The following SLC38A1 variants were observed in gnomAD, a reference collection of about 807,000 sequenced individuals.
The protein encoded by SLC38A1 is sodium-coupled neutral amino acid symporter 1.
In SLC38A1, 18 loss-of-function variants were observed where a neutral mutation model predicts 60.3. The observed-to-expected ratio is 0.30, with a 90% CI of 0.21 to 0.44. The LOEUF (loss-of-function observed/expected upper bound fraction) is 0.44, where lower values mean the gene tolerates loss of function less well. Among genes scored for constraint, SLC38A1 ranks in the 20% least tolerant of loss-of-function variants. The pLI, the probability that SLC38A1 is intolerant of heterozygous loss-of-function variation, is 1.00. For synonymous variants in SLC38A1, 196 were observed against 212.1 expected (o/e 0.92, Z 0.66); for missense variants, 448 against 587.2 (o/e 0.76, Z 2.45).
chr12:46,214,436 T>C (rs894084823), intron 5 of SLC38A1, among the ~76,000 whole-genome samples: 7 of 152,344 alleles, frequency 4.6e-5, no homozygotes, highest in African/African-American at 1.4e-4. Flanking sequence ...ATTGTAATTA[T>C]TTGGTCTTCC....
chr12:46,196,425 C>CCAGG, intron 16 of SLC38A1: 1 of 1,119,516 alleles, frequency 8.9e-7, no homozygotes, highest in Non-Finnish European at 1.2e-6. Context: ...CATTATGGGA[C>CCAGG]CAGGGTTGGA....
chr12:46,219,108 A>G (rs572229865), intron 5 of SLC38A1, among the ~76,000 whole-genome samples: 1 of 152,136 alleles, frequency 6.6e-6, no homozygotes, highest in African/African-American at 2.4e-5. Flanking sequence ...GGCAGACTGG[A>G]CCCCAGGCAA....
Position 46,201,122 on chromosome 12 carries a change from T to G in SLC38A1, c.979A>C (p.Ile327Leu). The change falls in exon 13 of 17, where the codon ATT becomes CTT. Residue 327 changes from isoleucine to leucine, a missense_variant. Around this residue, in one of 2 missense-constraint regions of SLC38A1, gnomAD observed 346 missense variants for 497.5 expected, o/e 0.70. Coordinates refer to ENST00000398637, the MANE Select transcript of SLC38A1 (RefSeq NM_030674.4). ...CCATAGAATGTCAAGTAGCCAAAAA[T>G]GGCAGTCAAGAAGTACATAACAAAC... ...AMFVMYFLTA[I>L]FGYLTFYDNV... 2 of 1,612,984 alleles carry G rather than the reference T, an allele frequency of 1.2e-6. No individual in the cohort carries two copies. The highest frequency in any genetic ancestry group is 1.7e-6 in the Non-Finnish European group (2 of 1,179,424).
intron 7 of SLC38A1, 39 bp downstream of exon 7, chr12:46,207,490 T>C (rs1305603576): frequency 6.4e-7 from 1 of 1,552,544 alleles, no homozygotes. Context: ...CCACCAGAAT[T>C]AGTTTCAAGT....
chr12:46,187,151 A>C lies in SLC38A1; in HGVS notation c.*1819T>G, dbSNP rs1938964401. On this transcript the variant is annotated 3_prime_UTR_variant, in exon 17 of 17. Coordinates refer to ENST00000398637, the MANE Select transcript of SLC38A1 (RefSeq NM_030674.4). ...GATGCAATGCAGGAAATAACCTTTCATTCTCCCCCCTAGAGGATCACGACA... is the reference window on the plus strand; with the variant it reads ...GATGCAATGCAGGAAATAACCTTTCCTTCTCCCCCCTAGAGGATCACGACA... 6.6e-6 allele frequency: 1 copy of C among 152,160 alleles called. No homozygotes were observed. The highest frequency in any genetic ancestry group is 2.4e-5 in the African/African-American group (1 of 41,426). 9.4% of individuals were successfully genotyped at this position (152,160 alleles called of 1,614,324 possible). A position where few individuals can be genotyped will look rare whatever the true frequency, so the allele number is the denominator to read the frequency against.
chr12:46,188,756 A>G lies in SLC38A1; in HGVS notation c.*214T>C. The G allele has an allele frequency of 2.4e-6, 1 of 417,748 alleles. No individual in the cohort carries two copies. Among genetic ancestry groups the G allele is most frequent in the Non-Finnish European group, 4.3e-6 (1 of 231,734 alleles). 25.9% of individuals were successfully genotyped at this position (417,748 alleles called of 1,614,324 possible). A position where few individuals can be genotyped will look rare whatever the true frequency, so the allele number is the denominator to read the frequency against. Reference sequence around the variant, plus strand: ...TGATTGTATGAAATTTGAAAAAAAAATTTCACAATCCCTAAATTGATCTCA... The same window carrying G: ...TGATTGTATGAAATTTGAAAAAAAAGTTTCACAATCCCTAAATTGATCTCA... On this transcript the variant is annotated 3_prime_UTR_variant, in exon 17 of 17. Coordinates refer to ENST00000398637, the MANE Select transcript of SLC38A1 (RefSeq NM_030674.4).
At chr12:46,267,899 G>A (rs370288621) in intron 1 of SLC38A1, among the ~76,000 whole-genome samples, 10 of 152,222 alleles carry the variant, frequency 6.6e-5, no homozygotes, top group African/African-American at 1.7e-4. Flanking sequence ...GGAAAGGACA[G>A]TGAGTCACTG....
intron 1 of SLC38A1, among the ~76,000 whole-genome samples, chr12:46,255,753 AGATAAG>A (rs1157403949): frequency 6.6e-6 from 1 of 152,256 alleles, no homozygotes; most frequent in African/African-American, 2.4e-5. Flanking sequence ...ACAGAAGTGC[AGATAAG>A]GACTGACTTT....
At chr12:46,258,708 T>C (rs1942107380) in intron 1 of SLC38A1, among the ~76,000 whole-genome samples, 1 of 152,166 alleles carries the variant, frequency 6.6e-6, no homozygotes, top group South Asian at 2.1e-4. Flanking sequence ...GGCTGGAGTG[T>C]AGTGATGAGA....
chr12:46,256,061 G>C (rs1942009996), intron 1 of SLC38A1, among the ~76,000 whole-genome samples: 1 of 151,680 alleles, frequency 6.6e-6, no homozygotes, highest in South Asian at 2.1e-4. Flanking sequence ...AGCTACTTGG[G>C]AGGCTGAGGC....
At chr12:46,190,245 T>C (rs1350610351) in intron 16 of SLC38A1, among the ~76,000 whole-genome samples, 1 of 152,206 alleles carries the variant, frequency 6.6e-6, no homozygotes, top group Non-Finnish European at 1.5e-5. Flanking sequence ...GCTTCATCCA[T>C]GTCCCTGCAA....
chr12:46,251,221 C>A (rs1016081013), intron 1 of SLC38A1, among the ~76,000 whole-genome samples: 1 of 152,140 alleles, frequency 6.6e-6, no homozygotes, highest in Non-Finnish European at 1.5e-5. Flanking sequence ...CTTTGACAAA[C>A]CTGACAAAAG....
At chr12:46,224,767 C>A (rs1306665940) in intron 5 of SLC38A1, among the ~76,000 whole-genome samples, 1 of 152,176 alleles carries the variant, frequency 6.6e-6, no homozygotes, top group Non-Finnish European at 1.5e-5. Flanking sequence ...AAGTTTGAGC[C>A]TTTGTACAAC....
Position 46,198,052 on chromosome 12 carries a change from T to G in SLC38A1, c.1131A>C (p.Ser377=), listed in dbSNP as rs772986128. 6.2e-7 allele frequency: 1 copy of G among 1,613,286 alleles called. No homozygotes were observed. The highest frequency in any genetic ancestry group is 2.2e-5 in the East Asian group (1 of 44,764). The part of the protein sequence containing the change: ...TVPVLFFTVR[S]SLFELAKKTK... ...TTTTCTTAGCCAGTTCAAATAAAGA[T>G]GAACGAACCTGCAAGAAAAGAAAAC... Residue 377 remains serine, a synonymous_variant, in exon 15 of 17, where the codon TCA becomes TCC. Transcript: ENST00000398637.
intron 2 of SLC38A1, among the ~76,000 whole-genome samples, chr12:46,241,457 T>G (rs1446006602): frequency 6.6e-6 from 1 of 152,180 alleles, no homozygotes; most frequent in Non-Finnish European, 1.5e-5. Flanking sequence ...CAGGATCCTG[T>G]AATGTGCCAT....
At chr12:46,189,821 T>C (rs1349115223) in intron 16 of SLC38A1, among the ~76,000 whole-genome samples, 1 of 152,158 alleles carries the variant, frequency 6.6e-6, no homozygotes, top group African/African-American at 2.4e-5. Context: ...CCTGCCACCA[T>C]GTAAGACGTG....
chr12:46,192,925 A>G (rs1007736384), intron 16 of SLC38A1, among the ~76,000 whole-genome samples: 1 of 151,934 alleles, frequency 6.6e-6, no homozygotes, highest in Non-Finnish European at 1.5e-5. Flanking sequence ...TTGTATCTCT[A>G]TCTCCTTCAA....
At chr12:46,192,261 C>G (rs1011820788) in intron 16 of SLC38A1, among the ~76,000 whole-genome samples, 1 of 152,188 alleles carries the variant, frequency 6.6e-6, no homozygotes, top group African/African-American at 2.4e-5. Context: ...GTTGAAGCAG[C>G]CTTGCATCCC....
At chr12:46,248,946 G>A (rs1320905224) in intron 1 of SLC38A1, among the ~76,000 whole-genome samples, 1 of 151,956 alleles carries the variant, frequency 6.6e-6, no homozygotes, top group African/African-American at 2.4e-5. Context: ...CACGAGTTCA[G>A]GAGATCAAGA....
Sources: gnomAD v4.1 joint callset for allele counts (sites outside exome capture counted in the v4.1 genomes callset) on GRCh38, gnomAD v4.1.1 for gene constraint, gnomAD v4.1.1 regional missense constraint, MANE v1.5 for transcripts, NCBI Gene and HGNC (gene_info 2026-07-23, HGNC 2026-07-21) for gene names.